H1-0: variants seen among roughly 807,000 people sequenced by gnomAD.
The protein encoded by H1-0 is histone H1.0.
In H1-0, 5 loss-of-function variants were observed where a neutral mutation model predicts 8.8. That is an observed-to-expected ratio of 0.57 (90% CI 0.30 to 1.19). The LOEUF (loss-of-function observed/expected upper bound fraction) is 1.19. Ranked by LOEUF, H1-0 falls within the 50% of genes most tolerant of loss-of-function variation. The pLI, the probability that H1-0 is intolerant of heterozygous loss-of-function variation, is 0.08. For missense variants in H1-0, 231 were observed against 242.0 expected (o/e 0.95, Z 0.30); for synonymous variants, 143 against 101.4 (o/e 1.41, Z -2.46).
chr22:37,805,507 T>C lies in H1-0; in HGVS notation c.-38T>C. 6.6e-7 allele frequency: 1 copy of C among 1,507,380 alleles called. No individual in the cohort carries two copies. Among genetic ancestry groups the C allele is most frequent in the East Asian group, 2.3e-5 (1 of 44,200 alleles). 93.4% of individuals were successfully genotyped at this position (1,507,380 alleles called of 1,614,324 possible). ...CAGCCTCCGACGAGGGCTGGCCCTT[T>C]GGAAGGCGCCTTCAACAGCCGGACC... On this transcript the variant is annotated 5_prime_UTR_variant, in exon 1 of 1. Coordinates refer to ENST00000340857, the MANE Select transcript of H1-0 (RefSeq NM_005318.4).
At position 37,805,937 on chromosome 22, in the gene H1-0, C is replaced by T; in HGVS notation, c.393C>T (p.Ser131=). Residue 131 remains serine, a synonymous_variant, in exon 1 of 1, where the codon TCC becomes TCT. Coordinates refer to ENST00000340857, the MANE Select transcript of H1-0 (RefSeq NM_005318.4). Reference sequence around the variant, plus strand: ...CATCCAAGCCCAAGAAGGCTGCCTCCAAAGCCCCAACCAAGAAACCCAAAG... The same window carrying T: ...CATCCAAGCCCAAGAAGGCTGCCTCTAAAGCCCCAACCAAGAAACCCAAAG... The part of the protein sequence containing the change: ...KKASKPKKAA[S]KAPTKKPKAT... 6.2e-7 allele frequency: 1 copy of T among 1,613,988 alleles called. No individual in the cohort carries two copies. The highest frequency in any genetic ancestry group is 8.5e-7 in the Non-Finnish European group (1 of 1,179,998).
In H1-0 at chr22:37,805,980, G is replaced by A; in HGVS notation, c.436G>A (p.Ala146Thr). ...KKPKATPVKKAKKKLAATPKK... is the reference protein window; with the variant it reads ...KKPKATPVKKTKKKLAATPKK... Reference sequence around the variant, plus strand: ...ACCCAAAGCCACCCCGGTCAAGAAGGCCAAGAAGAAGCTGGCTGCCACGCC... The same window carrying A: ...ACCCAAAGCCACCCCGGTCAAGAAGACCAAGAAGAAGCTGGCTGCCACGCC... The change falls in exon 1 of 1, where the codon GCC (alanine) becomes ACC (threonine). Residue 146 changes from alanine (A) to threonine (T), a missense_variant. By Grantham distance (58) the Ala-to-Thr change is moderately conservative. Transcript: ENST00000340857. 2 of 1,613,992 alleles carry A rather than the reference G, an allele frequency of 1.2e-6. No individual in the cohort carries two copies. Among genetic ancestry groups the A allele is most frequent in the South Asian group, 1.1e-5 (1 of 91,064 alleles).
chr22:37,805,250 G>C lies in H1-0; in HGVS notation c.-295G>C, dbSNP rs980202377. On this transcript the variant is annotated 5_prime_UTR_variant, in exon 1 of 1. Coordinates refer to ENST00000340857, the MANE Select transcript of H1-0 (RefSeq NM_005318.4). Reference sequence around the variant, plus strand: ...CGCCAGACGCGGAGCTGGGAAAAGGGAGGCAGAGGAGGCGGAGGCAGAGGC... The same window carrying C: ...CGCCAGACGCGGAGCTGGGAAAAGGCAGGCAGAGGAGGCGGAGGCAGAGGC... The C allele has an allele frequency of 4.8e-6, 2 of 412,702 alleles. No homozygotes were observed. Among genetic ancestry groups the C allele is most frequent in the Non-Finnish European group, 8.7e-6 (2 of 229,280 alleles). 25.6% of individuals were successfully genotyped at this position (412,702 alleles called of 1,614,324 possible). A position where few individuals can be genotyped will look rare whatever the true frequency, so the allele number is the denominator to read the frequency against.
Position 37,806,180 on chromosome 22 carries a change from A to G in H1-0, c.*51A>G. The G allele has an allele frequency of 7.1e-7, 1 of 1,415,950 alleles. No homozygotes were observed. Among genetic ancestry groups the G allele is most frequent in the South Asian group, 1.3e-5 (1 of 76,534 alleles). The allele number at this position is 1,415,950 out of a possible 1,614,324, so 87.7% of individuals were successfully genotyped here. A position where few individuals can be genotyped will look rare whatever the true frequency, so the allele number is the denominator to read the frequency against. On this transcript the variant is annotated 3_prime_UTR_variant, in exon 1 of 1. Coordinates refer to ENST00000340857, the MANE Select transcript of H1-0 (RefSeq NM_005318.4). ...TCCCTCCTGTCTCCTATTTTCTGTA[A>G]ATAATTTTCTCCTTTTTTCTCTCTT...
rs1445492051 is a variant in H1-0, at chr22:37,805,632, G to A, written c.88G>A (p.Asp30Asn). ...KKSTDHPKYS[D>N]MIVAAIQAEK... ...GTCCACAGACCACCCCAAGTATTCAGACATGATCGTGGCTGCCATCCAGGC... is the reference window on the plus strand; with the variant it reads ...GTCCACAGACCACCCCAAGTATTCAAACATGATCGTGGCTGCCATCCAGGC... The change falls in exon 1 of 1, where the codon GAC (aspartate) becomes AAC (asparagine). Residue 30 changes from aspartate (D) to asparagine (N), a missense_variant. Physicochemically the swap from Asp to Asn is conservative, Grantham distance 23. Coordinates refer to ENST00000340857, the MANE Select transcript of H1-0 (RefSeq NM_005318.4). 1 of 1,614,134 alleles carries A rather than the reference G, an allele frequency of 6.2e-7. No individual in the cohort carries two copies. Among genetic ancestry groups the A allele is most frequent in the African/African-American group, 1.3e-5 (1 of 75,056 alleles).
rs546462313 is a variant in H1-0, at chr22:37,806,398, G to T, written c.*269G>T. 1.9e-5 allele frequency: 6 copies of T among 318,870 alleles called. No individual in the cohort carries two copies. The highest frequency in any genetic ancestry group is 1.4e-4 in the South Asian group (4 of 29,150). The allele number at this position is 318,870 out of a possible 1,614,324, so 19.8% of individuals were successfully genotyped here. ...CTACTTACGGGGTTAGGGATTTGCG[G>T]GGGGGGCTTGTGTGTTTTGTTGGCT... On this transcript the variant is annotated 3_prime_UTR_variant, in exon 1 of 1. Coordinates refer to ENST00000340857, the MANE Select transcript of H1-0 (RefSeq NM_005318.4).
rs1476558644 is a variant in H1-0, at chr22:37,805,256, G to A, written c.-289G>A. On this transcript the variant is annotated 5_prime_UTR_variant, in exon 1 of 1. Transcript: ENST00000340857. ...ACGCGGAGCTGGGAAAAGGGAGGCA[G>A]AGGAGGCGGAGGCAGAGGCAGAGGC... 2 of 413,386 alleles carry A rather than the reference G, an allele frequency of 4.8e-6. No homozygotes were observed. Among genetic ancestry groups the A allele is most frequent in the Non-Finnish European group, 8.5e-6 (2 of 234,074 alleles). 25.6% of individuals were successfully genotyped at this position (413,386 alleles called of 1,614,324 possible). A position where few individuals can be genotyped will look rare whatever the true frequency, so the allele number is the denominator to read the frequency against.
Position 37,805,260 on chromosome 22 carries a change from A to G in H1-0, c.-285A>G, listed in dbSNP as rs909995980. On this transcript the variant is annotated 5_prime_UTR_variant, in exon 1 of 1. Transcript: ENST00000340857. ...GGAGCTGGGAAAAGGGAGGCAGAGGAGGCGGAGGCAGAGGCAGAGGCAGAG... is the reference window on the plus strand; with the variant it reads ...GGAGCTGGGAAAAGGGAGGCAGAGGGGGCGGAGGCAGAGGCAGAGGCAGAG... The G allele has an allele frequency of 1.1e-5, 4 of 376,294 alleles. No individual in the cohort carries two copies. The highest frequency in any genetic ancestry group is 3.7e-5 in the South Asian group (1 of 26,862). 23.3% of individuals were successfully genotyped at this position (376,294 alleles called of 1,614,324 possible). A position where few individuals can be genotyped will look rare whatever the true frequency, so the allele number is the denominator to read the frequency against.
Position 37,805,814 on chromosome 22 carries a change from G to A in H1-0, c.270G>A (p.Ser90=). ...VLKQTKGVGA[S]GSFRLAKSDE... is the part of the protein sequence containing the mutation. Reference sequence around the variant, plus strand: ...AGCAGACCAAAGGGGTGGGGGCCTCGGGGTCCTTCCGGCTAGCCAAGAGCG... The same window carrying A: ...AGCAGACCAAAGGGGTGGGGGCCTCAGGGTCCTTCCGGCTAGCCAAGAGCG... Residue 90 remains serine (S), a synonymous_variant, in exon 1 of 1, where the codon TCG becomes TCA. Transcript: ENST00000340857. 1 of 1,613,988 alleles carries A rather than the reference G, an allele frequency of 6.2e-7. No homozygotes were observed. The highest frequency in any genetic ancestry group is 8.5e-7 in the Non-Finnish European group (1 of 1,180,008).
Position 37,805,767 on chromosome 22 carries a change from C to T in H1-0, c.223C>T (p.Leu75=), listed in dbSNP as rs1920981487. 6.2e-7 allele frequency: 1 copy of T among 1,614,018 alleles called. No individual in the cohort carries two copies. Among genetic ancestry groups the T allele is most frequent in the South Asian group, 1.1e-5 (1 of 91,076 alleles). ...DSQIKLSIKR[L]VTTGVLKQTK... is the part of the protein sequence containing the mutation. ...GCAGATCAAGTTGTCCATCAAGCGC[C>T]TGGTCACCACCGGTGTCCTCAAGCA... The change falls in exon 1 of 1, where the codon CTG becomes TTG. Residue 75 remains leucine (L), a synonymous_variant. Transcript: ENST00000340857.
In H1-0 at chr22:37,805,735, C is replaced by G; in HGVS notation, c.191C>G (p.Ala64Gly). ...IKSHYKVGEN[A>G]DSQIKLSIKR... ...AGCCACTACAAGGTGGGTGAGAACGCTGACTCGCAGATCAAGTTGTCCATC... is the reference window on the plus strand; with the variant it reads ...AGCCACTACAAGGTGGGTGAGAACGGTGACTCGCAGATCAAGTTGTCCATC... Residue 64 changes from alanine to glycine, a missense_variant, in exon 1 of 1, where the codon GCT becomes GGT. Ala to Gly is a moderately conservative substitution (Grantham distance 60). Coordinates refer to ENST00000340857, the MANE Select transcript of H1-0 (RefSeq NM_005318.4). The G allele has an allele frequency of 6.2e-7, 1 of 1,614,132 alleles. No homozygotes were observed. Among genetic ancestry groups the G allele is most frequent in the Non-Finnish European group, 8.5e-7 (1 of 1,180,020 alleles).
At position 37,805,825 on chromosome 22, in the gene H1-0, G is replaced by A; in HGVS notation, c.281G>A (p.Arg94Gln). Residue 94 changes from arginine (R) to glutamine (Q), a missense_variant, in exon 1 of 1, where the codon CGG becomes CAG. Arg to Gln is a conservative substitution (Grantham distance 43). Coordinates refer to ENST00000340857, the MANE Select transcript of H1-0 (RefSeq NM_005318.4). Reference sequence around the variant, plus strand: ...GGGGTGGGGGCCTCGGGGTCCTTCCGGCTAGCCAAGAGCGACGAACCCAAG... The same window carrying A: ...GGGGTGGGGGCCTCGGGGTCCTTCCAGCTAGCCAAGAGCGACGAACCCAAG... ...TKGVGASGSF[R>Q]LAKSDEPKKS... 1 of 1,613,968 alleles carries A rather than the reference G, an allele frequency of 6.2e-7. No individual in the cohort carries two copies.
In H1-0 at chr22:37,806,236, G is replaced by T; in HGVS notation, c.*107G>T. ...TCACCACCACCTTTTGCCCCCTTCT[G>T]TTCTGACTTTATAAGAGACAGGATT... On this transcript the variant is annotated 3_prime_UTR_variant, in exon 1 of 1. Transcript: ENST00000340857. 1.2e-6 allele frequency: 1 copy of T among 803,462 alleles called. No individual in the cohort carries two copies. Among genetic ancestry groups the T allele is most frequent in the South Asian group, 1.9e-5 (1 of 53,760 alleles). 49.8% of individuals were successfully genotyped at this position (803,462 alleles called of 1,614,324 possible). A position where few individuals can be genotyped will look rare whatever the true frequency, so the allele number is the denominator to read the frequency against.
Position 37,805,641 on chromosome 22 carries a change from G to C in H1-0, c.97G>C (p.Val33Leu), listed in dbSNP as rs1230477029. 1 of 1,614,138 alleles carries C rather than the reference G, an allele frequency of 6.2e-7. No homozygotes were observed. ...TDHPKYSDMI[V>L]AAIQAEKNRA... ...CCACCCCAAGTATTCAGACATGATC[G>C]TGGCTGCCATCCAGGCCGAGAAGAA... is the stretch of plus-strand genomic sequence containing the variant. Residue 33 changes from valine (V) to leucine (L), a missense_variant, in exon 1 of 1, where the codon GTG (valine) becomes CTG (leucine). By Grantham distance (32) the Val-to-Leu change is conservative (BLOSUM62 1). Coordinates refer to ENST00000340857, the MANE Select transcript of H1-0 (RefSeq NM_005318.4).
In H1-0 at chr22:37,806,375, A is replaced by C; in HGVS notation, c.*246A>C. The C allele has an allele frequency of 1.3e-5, 6 of 474,480 alleles. No individual in the cohort carries two copies. Among genetic ancestry groups the C allele is most frequent in the East Asian group, 3.8e-5 (1 of 26,614 alleles). The allele number at this position is 474,480 out of a possible 1,614,324, so 29.4% of individuals were successfully genotyped here. The stretch of plus-strand genomic sequence containing the variant: ...TTATATTTTGTTTTGCTATTAACCT[A>C]CTTACGGGGTTAGGGATTTGCGGGG... On this transcript the variant is annotated 3_prime_UTR_variant, in exon 1 of 1. Transcript: ENST00000340857.
In H1-0 at chr22:37,805,349, G is replaced by C. The variant is rs1224093970; in HGVS notation, c.-196G>C. 1 of 537,682 alleles carries C rather than the reference G, an allele frequency of 1.9e-6. No homozygotes were observed. 33.3% of individuals were successfully genotyped at this position (537,682 alleles called of 1,614,324 possible). On this transcript the variant is annotated 5_prime_UTR_variant, in exon 1 of 1. Transcript: ENST00000340857. ...CGGCGGGGCTGGGCCTCGCAAAGCC[G>C]GCTCGGCGAGCTCTCCCGACACCCG...
At position 37,805,438 on chromosome 22, in the gene H1-0, C is replaced by T. The variant is rs1193508474; in HGVS notation, c.-107C>T. 2.7e-5 allele frequency: 21 copies of T among 778,076 alleles called. No homozygotes were observed. The highest frequency in any genetic ancestry group is 2.5e-4 in the Middle Eastern group (1 of 4,066). 48.2% of individuals were successfully genotyped at this position (778,076 alleles called of 1,614,324 possible). ...CCGGGAGCCGCACTCCAGACTGGCCCGGTAGTCAGGGGCTCAGGAGCAGAT... is the reference window on the plus strand; with the variant it reads ...CCGGGAGCCGCACTCCAGACTGGCCTGGTAGTCAGGGGCTCAGGAGCAGAT... On this transcript the variant is annotated 5_prime_UTR_variant, in exon 1 of 1. Coordinates refer to ENST00000340857, the MANE Select transcript of H1-0 (RefSeq NM_005318.4).
chr22:37,805,587 C>A lies in H1-0; in HGVS notation c.43C>A (p.Arg15=), dbSNP rs1239050874. Reference sequence around the variant, plus strand: ...GTCCGCCCCTGCGGCCAAGCCCAAGCGGGCCAAGGCCTCCAAGAAGTCCAC... The same window carrying A: ...GTCCGCCCCTGCGGCCAAGCCCAAGAGGGCCAAGGCCTCCAAGAAGTCCAC... The part of the protein sequence containing the change: ...STSAPAAKPK[R]AKASKKSTDH... Residue 15 remains arginine, a synonymous_variant, in exon 1 of 1, where the codon CGG becomes AGG. Transcript: ENST00000340857. The A allele has an allele frequency of 1.2e-6, 2 of 1,613,552 alleles. No homozygotes were observed. Among genetic ancestry groups the A allele is most frequent in the African/African-American group, 1.3e-5 (1 of 75,032 alleles).
Position 37,806,589 on chromosome 22 carries a change from G to A in H1-0, c.*460G>A, listed in dbSNP as rs149530054. The A allele has an allele frequency of 3.5e-3, 629 of 178,728 alleles. 7 individuals are homozygous for A. Among genetic ancestry groups the A allele is most frequent in the African/African-American group, 0.014 (601 of 41,654 alleles). The allele number at this position is 178,728 out of a possible 1,614,324, so 11.1% of individuals were successfully genotyped here. A position where few individuals can be genotyped will look rare whatever the true frequency, so the allele number is the denominator to read the frequency against. On this transcript the variant is annotated 3_prime_UTR_variant, in exon 1 of 1. Coordinates refer to ENST00000340857, the MANE Select transcript of H1-0 (RefSeq NM_005318.4). ...GTGAGAGTTTCAGAACCTTTGGCCA[G>A]CAGGAGAGAGGTGGTAGGGAGCAGC...
Sources: gnomAD v4.1 joint callset for allele counts on GRCh38, gnomAD v4.1.1 for gene constraint, MANE v1.5 for transcripts, NCBI Gene and HGNC (gene_info 2026-07-23, HGNC 2026-07-21) for gene names.